The following SORCS1 variants were observed in gnomAD, a reference collection of about 807,000 sequenced individuals.
SORCS1 encodes the protein sortilin related VPS10 domain containing receptor 1, also known as VPS10 domain-containing receptor SorCS1.
Under a neutral mutation model 146.1 loss-of-function variants are expected in SORCS1, and 60 were observed. The observed-to-expected ratio is 0.41, with a 90% CI of 0.33 to 0.51. The LOEUF (loss-of-function observed/expected upper bound fraction) is 0.51. SORCS1 is among the 20% of genes least tolerant of loss of function. The pLI, the probability that SORCS1 is intolerant of heterozygous loss-of-function variation, is 0.21. For synonymous variants in SORCS1, 637 were observed against 584.0 expected (o/e 1.09, Z -1.31); for missense variants, 1,352 against 1,487.6 (o/e 0.91, Z 1.50).
chr10:106,906,773 A>G (rs1019414402), intron 2 of SORCS1, among the ~76,000 whole-genome samples: 1 of 152,112 alleles, frequency 6.6e-6, no homozygotes, highest in East Asian at 1.9e-4. Context: ...TCAGATACAA[A>G]CCTGAGAATC....
intron 2 of SORCS1, among the ~76,000 whole-genome samples, chr10:106,894,236 CAT>C (rs1491559213): frequency 5.4e-5 from 8 of 146,838 alleles, no homozygotes; most frequent in African/African-American, 1.0e-4. Context: ...GGCATGTGTG[CAT>C]GTGTGTGTGT....
At chr10:106,979,098 G>A (rs901923315) in intron 1 of SORCS1, among the ~76,000 whole-genome samples, 1 of 152,172 alleles carries the variant, frequency 6.6e-6, no homozygotes, top group Admixed American at 6.5e-5. Flanking sequence ...GGTGGTGGGA[G>A]TTGAAATGGA....
At chr10:106,792,198 G>T (rs12360181) in intron 3 of SORCS1, among the ~76,000 whole-genome samples, 26,492 of 152,192 alleles carry the variant, frequency 0.17, 3,042 homozygotes, top group Non-Finnish European at 0.26. Context: ...TTTCAAGCTC[G>T]AAGACAATTA....
At chr10:107,157,416 T>A (rs187680127) in intron 1 of SORCS1, among the ~76,000 whole-genome samples, 25 of 152,348 alleles carry the variant, frequency 1.6e-4, no homozygotes, top group Middle Eastern at 3.4e-3. Context: ...TTGTTTTTTT[T>A]ATCTGAGAGT....
intron 3 of SORCS1, among the ~76,000 whole-genome samples, chr10:106,810,745 C>G (rs141427779): frequency 6.6e-6 from 1 of 152,180 alleles, no homozygotes; most frequent in Non-Finnish European, 1.5e-5. Context: ...GTGCTACCTG[C>G]TCACTGTGCT....
chr10:106,644,146 T>C (rs1421608739), intron 18 of SORCS1, among the ~76,000 whole-genome samples: 1 of 152,162 alleles, frequency 6.6e-6, no homozygotes, highest in Non-Finnish European at 1.5e-5. Flanking sequence ...TTTATATGGA[T>C]TTCTGAAATG....
rs3044907 is a variant in SORCS1 at position 106,625,200 on chromosome 10, CTGTGTGTGTGTGTG to C, written c.2662+3988_2662+4001del. Among the ~76,000 whole-genome samples, 1,047 of 140,138 alleles carry C rather than the reference CTGTGTGTGTGTGTG, an allele frequency of 7.5e-3. 20 individuals are homozygous for C. Among genetic ancestry groups the C allele is most frequent in the Admixed American group, 0.047 (659 of 13,940 alleles). The allele number at this position is 140,138 out of a possible 152,430, so 91.9% of individuals were successfully genotyped here. On this transcript the variant is annotated intron_variant, in intron 19 of 25. Transcript: ENST00000263054. Reference sequence around the variant, plus strand: ...CCGTGAGGCTGCACATTGTGTGATTCTGTGTGTGTGTGTGTGTGTGTGTGTGTGTGTGTGTGTGT... The same window carrying C: ...CCGTGAGGCTGCACATTGTGTGATTCTGTGTGTGTGTGTGTGTGTGTGTGT...
intron 5 of SORCS1, among the ~76,000 whole-genome samples, chr10:106,750,976 G>C (rs1412203336): frequency 1.4e-5 from 2 of 141,384 alleles, no homozygotes; most frequent in South Asian, 2.3e-4. Flanking sequence ...GGAGAATGGC[G>C]TGAAACTGTG....
intron 1 of SORCS1, among the ~76,000 whole-genome samples, chr10:107,163,015 T>C (rs1026275108): frequency 3.3e-5 from 5 of 152,238 alleles, no homozygotes; most frequent in African/African-American, 4.8e-5. Context: ...TTCAACTCAC[T>C]GAAGTTTCTA....
At chr10:107,038,909 C>T (rs1427479058) in intron 1 of SORCS1, among the ~76,000 whole-genome samples, 4 of 151,966 alleles carry the variant, frequency 2.6e-5, no homozygotes, top group African/African-American at 9.7e-5. Context: ...CAAGGGATCA[C>T]CTTTAGAGTT....
rs1430382224 is a variant in SORCS1 at position 106,642,022 on chromosome 10, T to C, written c.2475+10360A>G. ...GGTAAAATATTTGTCAAAGAACAAA[T>C]AAATAAATACAAACATCTAACTATT... On this transcript the variant is annotated intron_variant, in intron 18 of 25. Transcript: ENST00000263054. 2.6e-5 allele frequency among the ~76,000 whole-genome samples: 4 copies of C among 152,094 alleles called. 1 individual carries two copies. The highest frequency in any genetic ancestry group is 5.9e-5 in the Non-Finnish European group (4 of 68,014).
intron 3 of SORCS1, among the ~76,000 whole-genome samples, chr10:106,806,692 T>TGTTTGTTTGTTTTGTTTTG (rs1947204258): frequency 6.6e-6 from 1 of 151,602 alleles, no homozygotes. Flanking sequence ...ATTTTTCGTA[T>TGTTTGTTTGTTTTGTTTTG]TTTTAGTAGA....
intron 17 of SORCS1, among the ~76,000 whole-genome samples, chr10:106,656,102 C>T (rs894928434): frequency 5.9e-5 from 9 of 152,172 alleles, no homozygotes; most frequent in South Asian, 4.1e-4. Context: ...TTGATATTAC[C>T]GATGGCTCAC....
intron 1 of SORCS1, among the ~76,000 whole-genome samples, chr10:107,083,186 G>A (rs1963476378): frequency 6.6e-6 from 1 of 151,654 alleles, no homozygotes; most frequent in African/African-American, 2.4e-5. Context: ...ATTATCAAAG[G>A]AAAGGTAACA....
intron 1 of SORCS1, among the ~76,000 whole-genome samples, chr10:107,035,284 A>AC (rs1564954218): frequency 6.7e-6 from 1 of 150,238 alleles, no homozygotes; most frequent in Non-Finnish European, 1.5e-5. Flanking sequence ...AACAACAAAA[A>AC]AAAAAACACA....
At chr10:107,151,656 A>T (rs774218973) in intron 1 of SORCS1, among the ~76,000 whole-genome samples, 46 of 152,160 alleles carry the variant, frequency 3.0e-4, no homozygotes, top group Non-Finnish European at 4.7e-4. Flanking sequence ...ATTCTGGGAG[A>T]TACAATTCTA....
chr10:107,118,262 C>T (rs1466978208), intron 1 of SORCS1, among the ~76,000 whole-genome samples: 2 of 152,278 alleles, frequency 1.3e-5, no homozygotes, highest in East Asian at 1.9e-4. Flanking sequence ...ACACCAAATC[C>T]GTTGCTGCCT....
At chr10:106,812,492 C>G (rs956292405) in intron 3 of SORCS1, among the ~76,000 whole-genome samples, 4 of 152,152 alleles carry the variant, frequency 2.6e-5, no homozygotes, top group Non-Finnish European at 5.9e-5. Flanking sequence ...GCTCAAAAGG[C>G]AAAGGCAGAT....
At chr10:106,823,529 T>C (rs925107142) in intron 3 of SORCS1, among the ~76,000 whole-genome samples, 2 of 152,194 alleles carry the variant, frequency 1.3e-5, no homozygotes, top group African/African-American at 4.8e-5. Context: ...AATTCAAATA[T>C]TCAGTCATGT....
Sources: allele counts gnomAD v4.1 joint callset (sites outside exome capture counted in the v4.1 genomes callset), GRCh38; gene constraint gnomAD v4.1.1; transcripts MANE v1.5; gene names NCBI Gene and HGNC (gene_info 2026-07-23, HGNC 2026-07-21).